The following PSMA7 variants were observed in gnomAD, a reference collection of about 807,000 sequenced individuals.
PSMA7 encodes the protein proteasome 20S subunit alpha 7, also known as proteasome subunit alpha type-7.
In PSMA7, 5 loss-of-function variants were observed where a neutral mutation model predicts 31.3. The observed-to-expected ratio is 0.16, with a 90% CI of 0.08 to 0.34. PSMA7 has a LOEUF of 0.34. PSMA7 is among the 10% of genes least tolerant of loss of function. PSMA7 has a pLI of 1.00. For synonymous variants in PSMA7, 155 were observed against 121.9 expected (o/e 1.27, Z -1.79); for missense variants, 217 against 327.5 (o/e 0.66, Z 2.60).
In PSMA7 at chr20:62,136,764, CA is replaced by C; in HGVS notation, c.*92del. The C allele has an allele frequency of 2.0e-6, 3 of 1,479,712 alleles. No individual in the cohort carries two copies. The highest frequency in any genetic ancestry group is 2.7e-6 in the Non-Finnish European group (3 of 1,113,758). 91.7% of individuals were successfully genotyped at this position (1,479,712 alleles called of 1,614,324 possible). A position where few individuals can be genotyped will look rare whatever the true frequency, so the allele number is the denominator to read the frequency against. Reference sequence around the variant, plus strand: ...ATACGGAAGTTTATTGTAGGACACTCAGTGTGAATAAATGGAATGGAAAGGC... The same window carrying C: ...ATACGGAAGTTTATTGTAGGACACTCGTGTGAATAAATGGAATGGAAAGGC... On this transcript the variant is annotated 3_prime_UTR_variant, in exon 7 of 7. Transcript: ENST00000370873.
At position 62,138,232 on chromosome 20, in the gene PSMA7, G is replaced by A; in HGVS notation, c.530C>T (p.Thr177Ile). ...ATCATCTGTTTCAATGGCTTCGTCA[G>A]TATAGTTCTTCTCCAGGAACTCGCG... ...SVREFLEKNYTDEAIETDDLT... is the reference protein window; with the variant it reads ...SVREFLEKNYIDEAIETDDLT... Residue 177 changes from threonine to isoleucine, a missense_variant, in exon 5 of 7, where the codon ACT becomes ATT. By Grantham distance (89) the Thr-to-Ile change is moderately conservative. This residue lies in a region of PSMA7 where 88 missense variants were observed against 111.6 expected (regional missense o/e 0.79). Transcript: ENST00000370873. 2.5e-6 allele frequency: 4 copies of A among 1,614,160 alleles called. 1 individual carries two copies. The highest frequency in any genetic ancestry group is 2.7e-5 in the African/African-American group (2 of 75,072).
Position 62,143,204 on chromosome 20 carries a change from T to G in PSMA7, c.96+4A>C. ...CCGGCCCCGCGCAGGCCCCGCCGCCTCACCGCGGTCGAGCCCTTCTTGACG... is the reference window on the plus strand; with the variant it reads ...CCGGCCCCGCGCAGGCCCCGCCGCCGCACCGCGGTCGAGCCCTTCTTGACG... On this transcript the variant is annotated splice_donor_region_variant and intron_variant, in intron 1 of 6. Transcript: ENST00000370873. The G allele has an allele frequency of 7.3e-7, 1 of 1,368,720 alleles. No individual in the cohort carries two copies. Among genetic ancestry groups the G allele is most frequent in the Non-Finnish European group, 9.5e-7 (1 of 1,048,734 alleles). The allele number at this position is 1,368,720 out of a possible 1,614,324, so 84.8% of individuals were successfully genotyped here. A position where few individuals can be genotyped will look rare whatever the true frequency, so the allele number is the denominator to read the frequency against.
chr20:62,140,393 C>G (rs1378808639), intron 2 of PSMA7, among the ~76,000 whole-genome samples: 1 of 152,204 alleles, frequency 6.6e-6, no homozygotes, highest in African/African-American at 2.4e-5. Context: ...GAGAAATGAG[C>G]AAGACCAAAA....
rs571266233 is a variant in PSMA7, at chr20:62,137,040, T to G, written c.655-91A>C. On this transcript the variant is annotated intron_variant, in intron 6 of 6. Coordinates refer to ENST00000370873, the MANE Select transcript of PSMA7 (RefSeq NM_002792.4). ...GGGGAGGGCGGCCAGGCTTTGGCAC[T>G]GCTGCTCATACAGCCTCTTTGGAGA... 30 of 1,517,766 alleles carry G rather than the reference T, an allele frequency of 2.0e-5. No homozygotes were observed. The Admixed American group carries it at 5.3e-4, about 27-fold the overall frequency. The allele number at this position is 1,517,766 out of a possible 1,614,324, so 94.0% of individuals were successfully genotyped here.
intron 2 of PSMA7, 145 bp downstream of exon 2, chr20:62,140,673 A>G (rs2056922451): frequency 1.5e-5 from 17 of 1,114,734 alleles, no homozygotes; most frequent in Non-Finnish European, 2.1e-5. Flanking sequence ...AGCCAACTTA[A>G]AAGTCCAAAT....
At chr20:62,139,660 G>T in intron 3 of PSMA7, 121 bp downstream of exon 3, 1 of 1,518,678 alleles carries the variant, frequency 6.6e-7, no homozygotes, top group Non-Finnish European at 9.1e-7. Flanking sequence ...TCAAGATTAG[G>T]ATCACGCCCC....
In PSMA7 at chr20:62,139,555, C is replaced by T. The variant is rs2056914707; in HGVS notation, c.348+226G>A. On this transcript the variant is annotated intron_variant, in intron 3 of 6. Transcript: ENST00000370873. ...GCAAGACAAAAGCTATCATTTCCCT[C>T]CAGACACAGGAATTTGGAATATCCC... The T allele has an allele frequency of 3.8e-6, 3 of 797,656 alleles. No homozygotes were observed. In the East Asian group the frequency reaches 8.1e-5, roughly 21 times the overall value. The allele number at this position is 797,656 out of a possible 1,614,324, so 49.4% of individuals were successfully genotyped here.
Position 62,143,215 on chromosome 20 carries a change from G to A in PSMA7, c.89C>T (p.Ser30Leu). ...CAGGCCCCGCCGCCTCACCGCGGTCGAGCCCTTCTTGACGGCCTCCTGCGC... is the reference window on the plus strand; with the variant it reads ...CAGGCCCCGCCGCCTCACCGCGGTCAAGCCCTTCTTGACGGCCTCCTGCGC... ...EYAQEAVKKG[S>L]TAVGVRGRDI... The change falls in exon 1 of 7, where the codon TCG becomes TTG. Residue 30 changes from serine to leucine, a missense_variant. Physicochemically the swap from Ser to Leu is moderately radical, Grantham distance 145. This residue lies in a region of PSMA7 where 76 missense variants were observed against 96.5 expected (regional missense o/e 0.79). Transcript: ENST00000370873. 7.0e-7 allele frequency: 1 copy of A among 1,421,188 alleles called. No individual in the cohort carries two copies. Among genetic ancestry groups the A allele is most frequent in the Non-Finnish European group, 9.3e-7 (1 of 1,080,142 alleles). The allele number at this position is 1,421,188 out of a possible 1,614,324, so 88.0% of individuals were successfully genotyped here.
At chr20:62,137,141 C>G (rs2056899691) in intron 6 of PSMA7, among the ~76,000 whole-genome samples, 192 bp from the exon 7 acceptor site, 1 of 152,032 alleles carries the variant, frequency 6.6e-6, no homozygotes, top group African/African-American at 2.4e-5. Flanking sequence ...AGCAGCAGAT[C>G]TGACTGGCAG....
chr20:62,142,694 C>G (rs909967922), intron 1 of PSMA7: 1 of 152,342 alleles, frequency 6.6e-6, no homozygotes, highest in African/African-American at 2.4e-5. Flanking sequence ...GTTCTCGAAG[C>G]CCACCTGGGC....
chr20:62,143,050 G>T (rs1600971686), intron 1 of PSMA7, 158 bp downstream of exon 1: 1 of 213,898 alleles, frequency 4.7e-6, no homozygotes, highest in Non-Finnish European at 7.9e-6. Flanking sequence ...GAGACCGGCA[G>T]CGGGGCCCGC....
intron 1 of PSMA7, among the ~76,000 whole-genome samples, 166 bp from the exon 2 acceptor site, chr20:62,141,110 A>G (rs2056924992): frequency 6.6e-6 from 1 of 152,226 alleles, no homozygotes; most frequent in Non-Finnish European, 1.5e-5. Context: ...CTCTACAAAA[A>G]GTACAAAAAT....
chr20:62,139,523 C>A, intron 3 of PSMA7: 1 of 714,938 alleles, frequency 1.4e-6, no homozygotes, highest in Non-Finnish European at 2.3e-6. Context: ...ACTGGTCACT[C>A]AGGATGGCAA....
At position 62,143,381 on chromosome 20, in the gene PSMA7, C is replaced by A. The variant is rs1166344175; in HGVS notation, c.-78G>T. On this transcript the variant is annotated 5_prime_UTR_variant, in exon 1 of 7. Transcript: ENST00000370873. ...TCACGGCCCGCGCGCACCCGCGACTCCCGGCGCCACTACGCCCGCGCCCCA... is the reference window on the plus strand; with the variant it reads ...TCACGGCCCGCGCGCACCCGCGACTACCGGCGCCACTACGCCCGCGCCCCA... The A allele has an allele frequency of 1.1e-5, 9 of 818,916 alleles. No individual in the cohort carries two copies. Among genetic ancestry groups the A allele is most frequent in the Non-Finnish European group, 1.4e-5 (9 of 629,436 alleles). The allele number at this position is 818,916 out of a possible 1,614,324, so 50.7% of individuals were successfully genotyped here. A position where few individuals can be genotyped will look rare whatever the true frequency, so the allele number is the denominator to read the frequency against.
At chr20:62,143,135 C>G (rs1297166520) in intron 1 of PSMA7, 73 bp downstream of exon 1, 2 of 1,023,174 alleles carry the variant, frequency 2.0e-6, no homozygotes, top group East Asian at 7.0e-5. Flanking sequence ...CGCGCCCGGC[C>G]CCGGCCCTCT....
At chr20:62,142,303 G>A (rs1161146915) in intron 1 of PSMA7, among the ~76,000 whole-genome samples, 1 of 152,182 alleles carries the variant, frequency 6.6e-6, no homozygotes, top group Non-Finnish European at 1.5e-5. Flanking sequence ...CCGACTCCTA[G>A]TCCTCTTTAA....
intron 5 of PSMA7, 125 bp from the exon 6 acceptor site, chr20:62,137,551 C>A: frequency 2.3e-6 from 2 of 874,858 alleles, no homozygotes; most frequent in Non-Finnish European, 3.7e-6. Context: ...GAGGTCCCAG[C>A]CCCCAAAACC....
At position 62,143,140 on chromosome 20, in the gene PSMA7, C is replaced by T. The variant is rs539324768; in HGVS notation, c.96+68G>A. ...CCCACAGCGCCGCGCCCGGCCCCGG[C>T]CCTCTCTGGGCTCCCCAGCCCCACT... On this transcript the variant is annotated intron_variant, in intron 1 of 6. Coordinates refer to ENST00000370873, the MANE Select transcript of PSMA7 (RefSeq NM_002792.4). 5.3e-4 allele frequency: 559 copies of T among 1,050,860 alleles called. 10 individuals are homozygous for T. The Admixed American group carries it at 0.025, about 46-fold the overall frequency. The allele number at this position is 1,050,860 out of a possible 1,614,324, so 65.1% of individuals were successfully genotyped here.
At chr20:62,139,297 G>T (rs2056913374) in intron 3 of PSMA7, 100 bp from the exon 4 acceptor site, 1 of 1,425,922 alleles carries the variant, frequency 7.0e-7, no homozygotes, top group Non-Finnish European at 9.5e-7. Flanking sequence ...AACCATGCCT[G>T]AGCCCCTTCT....
Sources: allele counts gnomAD v4.1 joint callset (sites outside exome capture counted in the v4.1 genomes callset), GRCh38; gene constraint gnomAD v4.1.1; regional missense constraint gnomAD v4.1.1; transcripts MANE v1.5; gene names NCBI Gene and HGNC (gene_info 2026-07-23, HGNC 2026-07-21).